CHD1: variants seen among roughly 807,000 people sequenced by gnomAD.
CHD1 encodes chromodomain helicase DNA binding protein 1, also known as ATP-dependent chromatin remodeler CHD1.
Under a neutral mutation model 224.2 loss-of-function variants are expected in CHD1, and 36 were observed. The ratio of observed to expected loss-of-function variants is 0.16; its 90% confidence interval spans 0.12 to 0.21. The LOEUF (loss-of-function observed/expected upper bound fraction) is 0.21. Among genes scored for constraint, CHD1 ranks in the 10% least tolerant of loss-of-function variants. The probability of loss-of-function intolerance (pLI) is 1.00; values close to 1 mark genes in which losing one functional copy is unlikely to be tolerated. For missense variants in CHD1, 1,378 were observed against 1,994.8 expected, an observed-to-expected ratio of 0.69 and a Z score of 5.89; for synonymous variants, 668 against 658.3, an observed-to-expected ratio of 1.01 and a Z score of -0.23.
intron 24 of CHD1, among the ~76,000 whole-genome samples, chr5:98,875,764 T>C (rs1459721620): frequency 6.6e-6 from 1 of 152,166 alleles, no homozygotes. Flanking sequence ...AAAGTTACAA[T>C]GGCTTCAAAG....
intron 13 of CHD1, among the ~76,000 whole-genome samples, 175 bp downstream of exon 13, chr5:98,894,422 T>C (rs1163565392): frequency 2.6e-5 from 4 of 152,198 alleles, no homozygotes; most frequent in African/African-American, 7.2e-5. Context: ...CCTTTAAATG[T>C]AACCTTTCAA....
At position 98,883,121 on chromosome 5, in the gene CHD1, C is replaced by T. The variant is rs866293344; in HGVS notation, c.2685G>A (p.Gln895=). ...DWNPQNDLQA[Q]ARAHRIGQKK... is the part of the protein sequence containing the mutation. Reference sequence around the variant, plus strand: ...TTTGCCCAATTCGATGGGCTCTAGCCTGTGCCTGAAGATCATTCTGTGGAT... The same window carrying T: ...TTTGCCCAATTCGATGGGCTCTAGCTTGTGCCTGAAGATCATTCTGTGGAT... Residue 895 remains glutamine (Q), a synonymous_variant, in exon 19 of 36, where the codon CAG becomes CAA. Transcript: ENST00000614616. 6.3e-7 allele frequency: 1 copy of T among 1,597,712 alleles called. No homozygotes were observed. Among genetic ancestry groups the T allele is most frequent in the South Asian group, 1.1e-5 (1 of 87,664 alleles).
chr5:98,869,327 G>A (rs756336779), intron 30 of CHD1: 7 of 927,878 alleles, frequency 7.5e-6, no homozygotes, highest in Non-Finnish European at 7.7e-6. Context: ...TTTTAACAAC[G>A]ACTAATTTTT....
intron 17 of CHD1, among the ~76,000 whole-genome samples, chr5:98,886,963 G>A (rs1048813155): frequency 3.2e-4 from 49 of 151,982 alleles, no homozygotes; most frequent in Admixed American, 7.2e-4. Context: ...ACAATAATTT[G>A]TTTAAAAACA....
At chr5:98,925,793 C>G (rs1164865152) in intron 2 of CHD1, among the ~76,000 whole-genome samples, 1 of 151,494 alleles carries the variant, frequency 6.6e-6, no homozygotes, top group East Asian at 1.9e-4. Flanking sequence ...AGAATGTTTT[C>G]TATGTGCTGT....
chr5:98,863,675 TATA>T, intron 31 of CHD1, 89 bp from the exon 32 acceptor site: 2 of 817,082 alleles, frequency 2.4e-6, no homozygotes, highest in South Asian at 1.7e-5. Context: ...TTTACATGAG[TATA>T]ATATTATAAC....
intron 19 of CHD1, 25 bp downstream of exon 19, chr5:98,883,063 T>C (rs1479397157): frequency 7.6e-7 from 1 of 1,321,698 alleles, no homozygotes; most frequent in Non-Finnish European, 1.0e-6. Context: ...AACAGCAATA[T>C]AATATAAATT....
chr5:98,896,154 C>T (rs1751332724), intron 12 of CHD1, 72 bp downstream of exon 12: 2 of 1,348,302 alleles, frequency 1.5e-6, no homozygotes, highest in Non-Finnish European at 2.1e-6. Context: ...AACCCCATCT[C>T]AAAACAACAA....
At chr5:98,885,069 C>G (rs1178468168) in intron 18 of CHD1, among the ~76,000 whole-genome samples, 1 of 152,080 alleles carries the variant, frequency 6.6e-6, no homozygotes, top group South Asian at 2.1e-4. Flanking sequence ...AATAACTGTT[C>G]CATGCTGAAA....
intron 19 of CHD1, among the ~76,000 whole-genome samples, chr5:98,882,689 T>A (rs1750281342): frequency 1.3e-5 from 2 of 152,182 alleles, no homozygotes; most frequent in African/African-American, 4.8e-5. Flanking sequence ...AATTATAAAA[T>A]GGGGTCACGT....
chr5:98,882,222 A>G (rs1750242079), intron 19 of CHD1, 99 bp from the exon 20 acceptor site: 4 of 996,408 alleles, frequency 4.0e-6, no homozygotes, highest in East Asian at 5.0e-5. Context: ...AGCTCATTCT[A>G]TATGAAGTTT....
intron 33 of CHD1, among the ~76,000 whole-genome samples, chr5:98,859,544 C>T (rs567606576): frequency 4.6e-5 from 7 of 152,146 alleles, no homozygotes; most frequent in South Asian, 2.1e-4. Context: ...ATAGAATATC[C>T]GTCAAGTAGG....
At chr5:98,864,860 G>A (rs1194963387) in intron 31 of CHD1, among the ~76,000 whole-genome samples, 1 of 151,874 alleles carries the variant, frequency 6.6e-6, no homozygotes, top group Non-Finnish European at 1.5e-5. Flanking sequence ...GTTCAACTTT[G>A]GCAGTTTATA....
chr5:98,875,139 AT>A (rs1242700301), intron 24 of CHD1, 26 bp from the exon 25 acceptor site: 1 of 1,384,392 alleles, frequency 7.2e-7, no homozygotes, highest in Non-Finnish European at 1.0e-6. Context: ...TGTTTGGTAA[AT>A]GTGAGCTTCA....
intron 15 of CHD1, among the ~76,000 whole-genome samples, chr5:98,891,846 A>C (rs73153568): frequency 2.0e-3 from 310 of 152,242 alleles, no homozygotes; most frequent in African/African-American, 7.2e-3. Flanking sequence ...AAGAAAGTGA[A>C]GCTGAGTCAT....
intron 20 of CHD1, 121 bp downstream of exon 20, chr5:98,881,854 T>TC: frequency 1.2e-6 from 1 of 852,190 alleles, no homozygotes; most frequent in Admixed American, 2.9e-5. Flanking sequence ...TCCAAAGTCT[T>TC]CCAAAATATA....
intron 34 of CHD1, chr5:98,858,636 C>T (rs1021779456): frequency 5.9e-5 from 27 of 455,516 alleles, no homozygotes; most frequent in Non-Finnish European, 9.3e-5. Context: ...TCAGACTATA[C>T]TTTTGTGACT....
In CHD1 at chr5:98,895,450, T is replaced by G. The variant is rs566776089; in HGVS notation, c.1711-764A>C. ...TCTGTTCTCATGCATATTTGAAATTTTCCATTAAAAATGTAAAATAGGCTG... is the reference window on the plus strand; with the variant it reads ...TCTGTTCTCATGCATATTTGAAATTGTCCATTAAAAATGTAAAATAGGCTG... On this transcript the variant is annotated intron_variant, in intron 12 of 35. Transcript: ENST00000614616. Among the ~76,000 whole-genome samples, 63 of 152,260 alleles carry G rather than the reference T, an allele frequency of 4.1e-4. No individual in the cohort carries two copies. In the South Asian group the frequency reaches 0.013, roughly 32 times the overall value.
chr5:98,927,893 C>T (rs1158086198), intron 1 of CHD1, among the ~76,000 whole-genome samples: 1 of 152,208 alleles, frequency 6.6e-6, no homozygotes, highest in East Asian at 1.9e-4. Context: ...GCGCACACAG[C>T]GCTGTGTCCT....
Sources: allele counts gnomAD v4.1 joint callset (sites outside exome capture counted in the v4.1 genomes callset), GRCh38; gene constraint gnomAD v4.1.1; transcripts MANE v1.5; gene names NCBI Gene and HGNC (gene_info 2026-07-23, HGNC 2026-07-21).